CFAP61: variants seen among roughly 807,000 people sequenced by gnomAD.
CFAP61 encodes the protein cilia- and flagella-associated protein 61.
In CFAP61, 107 loss-of-function variants were observed where a neutral mutation model predicts 135.6. The observed-to-expected ratio is 0.79, with a 90% CI of 0.67 to 0.93. CFAP61 has a LOEUF of 0.93. CFAP61 is among the 40% of genes least tolerant of loss of function. The probability of loss-of-function intolerance (pLI) is 0.00; values close to 1 mark genes in which losing one functional copy is unlikely to be tolerated. For synonymous variants in CFAP61, 575 were observed against 578.5 expected (o/e 0.99, Z 0.09); for missense variants, 1,507 against 1,556.2 (o/e 0.97, Z 0.53).
chr20:20,299,502 A>C (rs2055903520), intron 25 of CFAP61, among the ~76,000 whole-genome samples: 1 of 152,262 alleles, frequency 6.6e-6, no homozygotes, highest in African/African-American at 2.4e-5. Flanking sequence ...ATCCCAAGAA[A>C]GCCTCATTCA....
intron 14 of CFAP61, 114 bp from the exon 15 acceptor site, chr20:20,191,228 A>G: frequency 1.4e-6 from 1 of 737,672 alleles, no homozygotes; most frequent in Non-Finnish European, 2.2e-6. Context: ...GTAGGTGTTG[A>G]TAGATGTTTG....
At chr20:20,287,689 G>A (rs2054690581) in intron 22 of CFAP61, among the ~76,000 whole-genome samples, 1 of 152,168 alleles carries the variant, frequency 6.6e-6, no homozygotes, top group Non-Finnish European at 1.5e-5. Context: ...CCATCAGTAT[G>A]GTTGGGACCC....
At chr20:20,237,188 G>C (rs2049659579) in intron 18 of CFAP61, among the ~76,000 whole-genome samples, 2 of 151,982 alleles carry the variant, frequency 1.3e-5, no homozygotes, top group African/African-American at 4.8e-5. Context: ...CCTTATCCTG[G>C]CCACCATGCC....
intron 26 of CFAP61, among the ~76,000 whole-genome samples, chr20:20,346,172 A>T (rs2058626997): frequency 7.5e-6 from 1 of 133,554 alleles, no homozygotes; most frequent in Admixed American, 7.2e-5. Flanking sequence ...AAGTGCTGGG[A>T]TTACAGGTGT....
intron 12 of CFAP61, 60 bp from the exon 13 acceptor site, chr20:20,169,261 T>A: frequency 6.7e-7 from 1 of 1,493,750 alleles, no homozygotes; most frequent in Non-Finnish European, 9.1e-7. Flanking sequence ...TTTAGAGGAA[T>A]TTGTTTTTTG....
chr20:20,181,710 G>A (rs1291922580), intron 13 of CFAP61, among the ~76,000 whole-genome samples: 1 of 152,120 alleles, frequency 6.6e-6, no homozygotes, highest in Non-Finnish European at 1.5e-5. Flanking sequence ...CATGTGGATG[G>A]GTAATGAAAA....
At chr20:20,251,191 G>A (rs2050859907) in intron 19 of CFAP61, among the ~76,000 whole-genome samples, 1 of 152,164 alleles carries the variant, frequency 6.6e-6, no homozygotes, top group Non-Finnish European at 1.5e-5. Flanking sequence ...CCTCAACAAT[G>A]TCACTTTCTT....
At chr20:20,325,048 G>A (rs2057691034) in intron 25 of CFAP61, among the ~76,000 whole-genome samples, 1 of 152,136 alleles carries the variant, frequency 6.6e-6, no homozygotes, top group Admixed American at 6.5e-5. Context: ...AAAGTACAGA[G>A]TTCCTTTAAG....
chr20:20,200,820 C>T, intron 17 of CFAP61: 1 of 985,440 alleles, frequency 1.0e-6, no homozygotes, highest in Non-Finnish European at 1.2e-6. Flanking sequence ...CGACCCAGAG[C>T]CTGTCTTACT....
intron 8 of CFAP61, among the ~76,000 whole-genome samples, chr20:20,100,977 A>C (rs1373009685): frequency 1.3e-5 from 2 of 152,226 alleles, no homozygotes; most frequent in Non-Finnish European, 2.9e-5. Context: ...TATTTTTGAA[A>C]GTCAGCTTTA....
rs531908519 is a variant in CFAP61 at position 20,190,885 on chromosome 20, A to C, written c.1513-457A>C. On this transcript the variant is annotated intron_variant, in intron 14 of 26. Coordinates refer to ENST00000245957, the MANE Select transcript of CFAP61 (RefSeq NM_015585.4). ...TGCAATCCTAGCACTCTGGGAGCCC[A>C]AGGCAGGTGGATTCCTTGAGGCCAG... is the stretch of plus-strand genomic sequence containing the variant. Among the ~76,000 whole-genome samples, 11 of 152,242 alleles carry C rather than the reference A, an allele frequency of 7.2e-5. No homozygotes were observed. The East Asian group carries it at 2.1e-3, about 29-fold the overall frequency.
chr20:20,147,908 A>G (rs927775522), intron 9 of CFAP61, among the ~76,000 whole-genome samples: 3 of 152,164 alleles, frequency 2.0e-5, no homozygotes, highest in African/African-American at 7.2e-5. Flanking sequence ...TCTTTAATCC[A>G]TATTATGTTG....
chr20:20,225,679 C>T (rs1382018986), intron 17 of CFAP61: 2 of 152,210 alleles, frequency 1.3e-5, no homozygotes, highest in Admixed American at 1.3e-4. Flanking sequence ...CTGAACATAT[C>T]TCCTTTTGAA....
intron 9 of CFAP61, among the ~76,000 whole-genome samples, chr20:20,158,399 T>C (rs949994213): frequency 7.3e-6 from 1 of 136,964 alleles, no homozygotes; most frequent in East Asian, 2.1e-4. Context: ...AGACATCACA[T>C]GAAATGACAC....
Position 20,288,498 on chromosome 20 carries a change from A to G in CFAP61, c.2797-111A>G, listed in dbSNP as rs1166766506. On this transcript the variant is annotated intron_variant, in intron 22 of 26. Transcript: ENST00000245957. Reference sequence around the variant, plus strand: ...AACAACATGATAGCAAACTTTTAGTATGTGTATTTTTGTGCCCCGAATAAT... The same window carrying G: ...AACAACATGATAGCAAACTTTTAGTGTGTGTATTTTTGTGCCCCGAATAAT... 2.4e-5 allele frequency: 19 copies of G among 796,616 alleles called. 1 individual carries two copies. The South Asian group carries it at 2.6e-4, about 11-fold the overall frequency. 49.3% of individuals were successfully genotyped at this position (796,616 alleles called of 1,614,324 possible). A position where few individuals can be genotyped will look rare whatever the true frequency, so the allele number is the denominator to read the frequency against.
At chr20:20,258,575 G>A (rs1421892841) in intron 20 of CFAP61, 1 of 152,208 alleles carries the variant, frequency 6.6e-6, no homozygotes, top group Non-Finnish European at 1.5e-5. Context: ...CATATGGAGA[G>A]CGAAATTAGT....
intron 7 of CFAP61, chr20:20,095,575 A>T (rs1196247333): frequency 6.6e-6 from 1 of 152,248 alleles, no homozygotes; most frequent in Non-Finnish European, 1.5e-5. Context: ...TCATAACTGT[A>T]CCCTGGCTTA....
At chr20:20,153,392 G>C (rs936406865) in intron 9 of CFAP61, among the ~76,000 whole-genome samples, 1 of 151,518 alleles carries the variant, frequency 6.6e-6, no homozygotes, top group Middle Eastern at 3.4e-3. Context: ...TAAATGAAAC[G>C]GTAACAAAAA....
chr20:20,360,563 T>C lies in CFAP61; in HGVS notation c.*153T>C, dbSNP rs1847417127. Reference sequence around the variant, plus strand: ...CCTTTCCTTCCCTGACTTATGCCTGTAGTTTTCTATCATCCCAGTAGGTGG... The same window carrying C: ...CCTTTCCTTCCCTGACTTATGCCTGCAGTTTTCTATCATCCCAGTAGGTGG... On this transcript the variant is annotated 3_prime_UTR_variant, in exon 27 of 27. Coordinates refer to ENST00000245957, the MANE Select transcript of CFAP61 (RefSeq NM_015585.4). The C allele has an allele frequency of 1.5e-6, 1 of 646,604 alleles. No homozygotes were observed. Among genetic ancestry groups the C allele is most frequent in the South Asian group, 1.9e-5 (1 of 51,450 alleles). 40.1% of individuals were successfully genotyped at this position (646,604 alleles called of 1,614,324 possible). A position where few individuals can be genotyped will look rare whatever the true frequency, so the allele number is the denominator to read the frequency against.
Sources: gnomAD v4.1 joint callset for allele counts (sites outside exome capture counted in the v4.1 genomes callset) on GRCh38, gnomAD v4.1.1 for gene constraint, MANE v1.5 for transcripts, NCBI Gene and HGNC (gene_info 2026-07-23, HGNC 2026-07-21) for gene names.